The following SCAPER variants were observed in gnomAD, a reference collection of about 807,000 sequenced individuals.
The protein encoded by SCAPER is S-phase cyclin A associated protein in the ER.
Under a neutral mutation model 182.2 loss-of-function variants are expected in SCAPER, and 98 were observed. That is an observed-to-expected ratio of 0.54 (90% CI 0.46 to 0.64). SCAPER has a LOEUF of 0.64. SCAPER is among the 30% of genes least tolerant of loss of function. The pLI, the probability that SCAPER is intolerant of heterozygous loss-of-function variation, is 0.00. For synonymous variants in SCAPER, 605 were observed against 564.6 expected, an observed-to-expected ratio of 1.07 and a Z score of -1.01; for missense variants, 1,432 against 1,690.0, an observed-to-expected ratio of 0.85 and a Z score of 2.68.
intron 23 of SCAPER, among the ~76,000 whole-genome samples, chr15:76,554,946 A>G (rs2046082299): frequency 6.6e-6 from 1 of 152,086 alleles, no homozygotes; most frequent in African/African-American, 2.4e-5. Flanking sequence ...ATGCCCAGCT[A>G]ATTTTTGTAT....
intron 8 of SCAPER, among the ~76,000 whole-genome samples, chr15:76,784,709 C>G (rs1239774736): frequency 6.6e-6 from 1 of 152,162 alleles, no homozygotes; most frequent in East Asian, 1.9e-4. Context: ...TGGAACAGAA[C>G]AGAGGCCTCA....
chr15:76,605,816 T>A (rs1487593973), intron 22 of SCAPER, among the ~76,000 whole-genome samples: 2 of 152,336 alleles, frequency 1.3e-5, no homozygotes, highest in Admixed American at 6.5e-5. Context: ...TGCATAGAGA[T>A]GTTTATAGTA....
At position 76,787,295 on chromosome 15, in the gene SCAPER, T is replaced by C. The variant is rs79559881; in HGVS notation, c.772+7985A>G. Among the ~76,000 whole-genome samples the C allele has an allele frequency of 9.1e-3, 1,384 of 152,258 alleles. 22 individuals are homozygous for C. The highest frequency in any genetic ancestry group is 0.032 in the African/African-American group (1,343 of 41,532). On this transcript the variant is annotated intron_variant, in intron 8 of 31. Transcript: ENST00000563290. ...AACAAAAAACATATGAAACACAATA[T>C]AGAACCCAGAAATACACCCACGCTT... is the stretch of plus-strand genomic sequence containing the variant.
intron 21 of SCAPER, among the ~76,000 whole-genome samples, chr15:76,646,020 T>A (rs1390368396): frequency 6.6e-6 from 1 of 152,164 alleles, no homozygotes; most frequent in Non-Finnish European, 1.5e-5. Flanking sequence ...AACACAAAAA[T>A]TGACGCTATG....
intron 21 of SCAPER, among the ~76,000 whole-genome samples, chr15:76,626,479 G>A (rs1375929542): frequency 1.3e-5 from 2 of 152,214 alleles, no homozygotes; most frequent in African/African-American, 4.8e-5. Flanking sequence ...CACTTTGAGA[G>A]GCTGAGGCGG....
intron 14 of SCAPER, among the ~76,000 whole-genome samples, chr15:76,764,278 TA>T (rs2062976987): frequency 6.6e-6 from 1 of 152,230 alleles, no homozygotes; most frequent in Non-Finnish European, 1.5e-5. Flanking sequence ...GCAATATCAG[TA>T]ACAGGGCAGT....
intron 24 of SCAPER, among the ~76,000 whole-genome samples, chr15:76,473,218 G>T (rs928230270): frequency 2.0e-5 from 3 of 152,158 alleles, no homozygotes; most frequent in Admixed American, 1.3e-4. Flanking sequence ...AGACCTCACT[G>T]GGTTTTATAG....
At chr15:76,373,830 C>A (rs920296757) in intron 29 of SCAPER, among the ~76,000 whole-genome samples, 2 of 152,122 alleles carry the variant, frequency 1.3e-5, no homozygotes, top group African/African-American at 2.4e-5. Flanking sequence ...CTAGGAAATA[C>A]AGAGCAGGGC....
intron 17 of SCAPER, among the ~76,000 whole-genome samples, chr15:76,722,655 G>T (rs1293466136): frequency 6.6e-6 from 1 of 152,140 alleles, no homozygotes; most frequent in Non-Finnish European, 1.5e-5. Flanking sequence ...TTAAGTCTTG[G>T]GAGGGTGTAT....
intron 20 of SCAPER, among the ~76,000 whole-genome samples, chr15:76,699,535 T>C (rs1386727380): frequency 1.3e-5 from 2 of 152,202 alleles, no homozygotes; most frequent in Admixed American, 1.3e-4. Context: ...TTTTATATTC[T>C]TTGATGCCCT....
At chr15:76,686,912 G>C (rs138434713) in intron 20 of SCAPER, among the ~76,000 whole-genome samples, 3 of 152,132 alleles carry the variant, frequency 2.0e-5, no homozygotes, top group Non-Finnish European at 4.4e-5. Flanking sequence ...AATGGGACAA[G>C]AGGGAAGAGG....
intron 23 of SCAPER, among the ~76,000 whole-genome samples, chr15:76,556,122 T>C (rs1946650): frequency 0.4 from 60,275 of 152,020 alleles, 14,190 homozygotes; most frequent in Middle Eastern, 0.55. Flanking sequence ...GAAGCAAGCA[T>C]AGAAAACCAT....
intron 18 of SCAPER, among the ~76,000 whole-genome samples, chr15:76,705,403 TG>T (rs2059202790): frequency 1.6e-5 from 1 of 61,260 alleles, no homozygotes; most frequent in Non-Finnish European, 3.0e-5. Flanking sequence ...TGTTTTGGGG[TG>T]GGGGGAGGGG....
intron 26 of SCAPER, among the ~76,000 whole-genome samples, chr15:76,412,712 G>A (rs1390246549): frequency 6.6e-6 from 1 of 151,936 alleles, no homozygotes; most frequent in Non-Finnish European, 1.5e-5. Flanking sequence ...AAATTGTTTT[G>A]GCTGTGTTAG....
At chr15:76,531,466 A>T (rs2043657855) in intron 23 of SCAPER, among the ~76,000 whole-genome samples, 1 of 152,166 alleles carries the variant, frequency 6.6e-6, no homozygotes, top group Non-Finnish European at 1.5e-5. Context: ...AGCAAGATAG[A>T]ATACCAACTT....
chr15:76,868,840 A>G (rs2072491873), intron 2 of SCAPER, among the ~76,000 whole-genome samples: 1 of 152,202 alleles, frequency 6.6e-6, no homozygotes, highest in Non-Finnish European at 1.5e-5. Flanking sequence ...AAACCTGGGC[A>G]AAAAGAATAA....
chr15:76,861,481 A>C (rs550051350), intron 3 of SCAPER, among the ~76,000 whole-genome samples: 12 of 152,302 alleles, frequency 7.9e-5, no homozygotes, highest in African/African-American at 2.2e-4. Context: ...AATATTCTAC[A>C]AGCTCTCAGA....
At chr15:76,871,184 C>T (rs1044510514) in intron 2 of SCAPER, among the ~76,000 whole-genome samples, 1 of 151,790 alleles carries the variant, frequency 6.6e-6, no homozygotes, top group Non-Finnish European at 1.5e-5. Flanking sequence ...TCAAGGCGGG[C>T]GGATCATGAG....
chr15:76,394,963 T>G (rs978296960), intron 27 of SCAPER, among the ~76,000 whole-genome samples: 1 of 152,214 alleles, frequency 6.6e-6, no homozygotes, highest in Admixed American at 6.5e-5. Flanking sequence ...TTTATTTTTT[T>G]GTACCCATTA....
Sources: allele counts gnomAD v4.1 joint callset (sites outside exome capture counted in the v4.1 genomes callset), GRCh38; gene constraint gnomAD v4.1.1; transcripts MANE v1.5; gene names NCBI Gene and HGNC (gene_info 2026-07-23, HGNC 2026-07-21).